SH3RF3: variants seen among roughly 807,000 people sequenced by gnomAD.
The protein encoded by SH3RF3 is SH3 domain containing ring finger 3.
SH3RF3 carries 29 observed loss-of-function variants against 66.3 expected under a neutral mutation model. That is an observed-to-expected ratio of 0.44 (90% confidence interval 0.33 to 0.60). The LOEUF is 0.60. Among genes scored for constraint, SH3RF3 ranks in the 20% least tolerant of loss-of-function variants. The probability of loss-of-function intolerance (pLI) is 0.04; values close to 1 mark genes in which losing one functional copy is unlikely to be tolerated. For missense variants in SH3RF3, 1,194 were observed against 1,190.9 expected (o/e 1.00, Z -0.04); for synonymous variants, 583 against 532.0 (o/e 1.10, Z -1.32).
At chr2:109,493,532 A>C (rs1679184345) in intron 9 of SH3RF3, among the ~76,000 whole-genome samples, 2 of 150,524 alleles carry the variant, frequency 1.3e-5, no homozygotes, top group East Asian at 3.9e-4. Context: ...TTGCATACCC[A>C]CACCCTTCAC....
At chr2:109,334,930 A>T (rs554015149) in intron 1 of SH3RF3, among the ~76,000 whole-genome samples, 1 of 152,266 alleles carries the variant, frequency 6.6e-6, no homozygotes, top group South Asian at 2.1e-4. Context: ...GCCTTCCTGG[A>T]AAGGTTCTGC....
At chr2:109,254,207 C>A (rs991875877) in intron 1 of SH3RF3, among the ~76,000 whole-genome samples, 6 of 152,156 alleles carry the variant, frequency 3.9e-5, no homozygotes, top group Non-Finnish European at 2.9e-5. Flanking sequence ...TAGACTTCTT[C>A]ACTCCACTCC....
At chr2:109,263,733 G>C (rs148741913) in intron 1 of SH3RF3, among the ~76,000 whole-genome samples, 296 of 152,302 alleles carry the variant, frequency 1.9e-3, no homozygotes, top group Non-Finnish European at 3.6e-3. Flanking sequence ...TTGGGAGGCC[G>C]AGGTGGGCAG....
At position 109,485,188 on chromosome 2, in the gene SH3RF3, A is replaced by G. The variant is rs1678936446; in HGVS notation, c.2149-5417A>G. ...CCCAACCAATGCAAACTGATCTTAA[A>G]TATTGCCTGAGGCAAAGAGAATTAA... On this transcript the variant is annotated intron_variant, in intron 8 of 9. Transcript: ENST00000309415. Among the ~76,000 whole-genome samples the G allele has an allele frequency of 3.3e-5, 5 of 152,228 alleles. No individual in the cohort carries two copies. The South Asian group carries it at 1.0e-3, about 32-fold the overall frequency.
intron 7 of SH3RF3, among the ~76,000 whole-genome samples, chr2:109,446,137 G>A (rs954597153): frequency 2.6e-5 from 4 of 152,038 alleles, no homozygotes; most frequent in Non-Finnish European, 5.9e-5. Context: ...TGAAAATAAG[G>A]GTAAATCCTA....
chr2:109,497,661 G>T (rs1317597957), intron 9 of SH3RF3, among the ~76,000 whole-genome samples: 1 of 152,184 alleles, frequency 6.6e-6, no homozygotes, highest in East Asian at 1.9e-4. Context: ...TTACTTTCCT[G>T]CAGCAGGAAG....
chr2:109,182,923 C>T (rs756837512), intron 1 of SH3RF3, among the ~76,000 whole-genome samples: 22 of 152,088 alleles, frequency 1.4e-4, no homozygotes, highest in Non-Finnish European at 3.1e-4. Flanking sequence ...ATAACTTAAA[C>T]GTTTCCCATG....
chr2:109,199,847 T>A lies in SH3RF3; in HGVS notation c.573+69734T>A, dbSNP rs561495513. On this transcript the variant is annotated intron_variant, in intron 1 of 9. Transcript: ENST00000309415. ...TGGAATGGAATGGAATGGAATGGAA[T>A]GGAAATAACAAAATTGTCTTGGGGA... Among the ~76,000 whole-genome samples the A allele has an allele frequency of 3.0e-3, 136 of 46,078 alleles. 1 individual carries two copies. The highest frequency in any genetic ancestry group is 5.0e-3 in the East Asian group (4 of 794). 30.2% of individuals were successfully genotyped at this position (46,078 alleles called of 152,430 possible).
At chr2:109,297,642 A>G (rs1224559223) in intron 1 of SH3RF3, among the ~76,000 whole-genome samples, 1 of 105,286 alleles carries the variant, frequency 9.5e-6, no homozygotes, top group East Asian at 2.8e-4. Flanking sequence ...GCCCCATCCC[A>G]CCAGGCCAGT....
In SH3RF3 at chr2:109,257,486, C is replaced by G. The variant is rs550989213; in HGVS notation, c.574-90188C>G. The stretch of plus-strand genomic sequence containing the variant: ...GGCTTTCTTGTAAATAGCAGCTGCC[C>G]TGAAGTCTGTGAAGGGCACACCAAG... On this transcript the variant is annotated intron_variant, in intron 1 of 9. Transcript: ENST00000309415. Among the ~76,000 whole-genome samples, 22 of 152,122 alleles carry G rather than the reference C, an allele frequency of 1.4e-4. No individual in the cohort carries two copies. In the South Asian group the frequency reaches 4.6e-3, roughly 32 times the overall value.
intron 8 of SH3RF3, 112 bp downstream of exon 8, chr2:109,449,601 A>G: frequency 3.7e-6 from 5 of 1,339,646 alleles, no homozygotes; most frequent in Non-Finnish European, 5.0e-6. Context: ...TGTGGGCTCC[A>G]AGTGCCTGCC....
intron 1 of SH3RF3, among the ~76,000 whole-genome samples, chr2:109,248,928 T>TCTTGC (rs1220666579): frequency 1.3e-5 from 2 of 151,306 alleles, no homozygotes; most frequent in Admixed American, 1.3e-4. Context: ...TCCTGTCCTG[T>TCTTGC]CCTGTCTTGC....
rs939152555 is a variant in SH3RF3, at chr2:109,467,727, T to A, written c.2148+18238T>A. The stretch of plus-strand genomic sequence containing the variant: ...TTCCATATCTATTTGAGGATGAGCG[T>A]TTGAAGCAGCTCCTCTCTGATTTAA... On this transcript the variant is annotated intron_variant, in intron 8 of 9. Coordinates refer to ENST00000309415, the MANE Select transcript of SH3RF3 (RefSeq NM_001099289.3). 2.0e-5 allele frequency among the ~76,000 whole-genome samples: 3 copies of A among 152,218 alleles called. No individual in the cohort carries two copies. The East Asian group carries it at 5.8e-4, about 29-fold the overall frequency.
chr2:109,285,968 G>A (rs1681021612), intron 1 of SH3RF3, among the ~76,000 whole-genome samples: 1 of 152,160 alleles, frequency 6.6e-6, no homozygotes, highest in African/African-American at 2.4e-5. Flanking sequence ...AGGGTCCATG[G>A]CCTGCAGGAC....
chr2:109,482,319 C>T (rs371061120), intron 8 of SH3RF3, among the ~76,000 whole-genome samples: 32 of 152,202 alleles, frequency 2.1e-4, no homozygotes, highest in Non-Finnish European at 3.4e-4. Flanking sequence ...TTATGTAGTC[C>T]GTTTTACACA....
At chr2:109,305,801 C>T (rs1175360484) in intron 1 of SH3RF3, among the ~76,000 whole-genome samples, 1 of 152,198 alleles carries the variant, frequency 6.6e-6, no homozygotes, top group Non-Finnish European at 1.5e-5. Context: ...GAGGTGGTCT[C>T]AGAGGCTGGG....
At chr2:109,439,626 C>A (rs1034214410) in intron 7 of SH3RF3, among the ~76,000 whole-genome samples, 1 of 152,124 alleles carries the variant, frequency 6.6e-6, no homozygotes. Context: ...TAATGTAACT[C>A]CTTTCCCAAA....
At chr2:109,414,642 C>A (rs921136561) in intron 4 of SH3RF3, among the ~76,000 whole-genome samples, 6 of 152,168 alleles carry the variant, frequency 3.9e-5, no homozygotes, top group Non-Finnish European at 8.8e-5. Context: ...ATCTGCTGCC[C>A]AGGCCAGTCC....
chr2:109,489,947 A>G (rs1352788640), intron 8 of SH3RF3, among the ~76,000 whole-genome samples: 1 of 152,206 alleles, frequency 6.6e-6, no homozygotes, highest in African/African-American at 2.4e-5. Context: ...CATGTTGGCC[A>G]GGCTGGTCTC....
Sources: allele counts gnomAD v4.1 joint callset (sites outside exome capture counted in the v4.1 genomes callset), GRCh38; gene constraint gnomAD v4.1.1; transcripts MANE v1.5; gene names NCBI Gene and HGNC (gene_info 2026-07-23, HGNC 2026-07-21).